SPTLC1: variants seen among roughly 807,000 people sequenced by gnomAD.
SPTLC1 encodes serine palmitoyltransferase 1.
In SPTLC1, 55 loss-of-function variants were observed where a neutral mutation model predicts 68.9. The observed-to-expected ratio is 0.80, with a 90% CI of 0.64 to 1.00. The LOEUF (loss-of-function observed/expected upper bound fraction) is 1.00. Among genes scored for constraint, SPTLC1 ranks in the 50% least tolerant of loss-of-function variants. The pLI is 0.00. For missense variants in SPTLC1, 449 were observed against 573.1 expected, an observed-to-expected ratio of 0.78 and a Z score of 2.21; for synonymous variants, 197 against 201.6, an observed-to-expected ratio of 0.98 and a Z score of 0.19.
At chr9:92,046,132 A>G in intron 11 of SPTLC1, 79 bp from the exon 12 acceptor site, 1 of 1,138,084 alleles carries the variant, frequency 8.8e-7, no homozygotes, top group Admixed American at 1.9e-5. Flanking sequence ...GAAGACCCAG[A>G]TCAAGTTCAT....
At chr9:92,040,714 C>T (rs542590276) in intron 12 of SPTLC1, among the ~76,000 whole-genome samples, 6 of 150,346 alleles carry the variant, frequency 4.0e-5, no homozygotes, top group East Asian at 2.0e-4. Context: ...GCTGAGATCG[C>T]GCCACTGTGC....
At chr9:92,050,881 T>C (rs1833685260) in intron 8 of SPTLC1, 2 of 377,844 alleles carry the variant, frequency 5.3e-6, no homozygotes, top group African/African-American at 4.9e-5. Context: ...GGTAGGATCA[T>C]GGCTCACTGC....
chr9:92,060,191 C>T (rs1834039381), intron 6 of SPTLC1, among the ~76,000 whole-genome samples: 2 of 152,160 alleles, frequency 1.3e-5, no homozygotes, highest in Admixed American at 1.3e-4. Context: ...TAGCCCCTTC[C>T]CCTGTTGGAA....
chr9:92,052,538 T>A (rs1273377792), intron 8 of SPTLC1, among the ~76,000 whole-genome samples: 2 of 151,900 alleles, frequency 1.3e-5, no homozygotes, highest in Admixed American at 6.6e-5. Context: ...ATTATTATTT[T>A]TTTTTTTTTG....
chr9:92,075,630 A>C (rs959780354), intron 5 of SPTLC1, among the ~76,000 whole-genome samples: 1 of 152,214 alleles, frequency 6.6e-6, no homozygotes, highest in Non-Finnish European at 1.5e-5. Context: ...TGCATGCCAC[A>C]GCAGCCACAG....
chr9:92,049,026 A>G (rs1833612981), intron 9 of SPTLC1, among the ~76,000 whole-genome samples: 2 of 152,190 alleles, frequency 1.3e-5, no homozygotes, highest in Non-Finnish European at 2.9e-5. Flanking sequence ...TGTACTGCTA[A>G]ATCTGCTTGA....
chr9:92,080,723 A>C, intron 4 of SPTLC1, 147 bp downstream of exon 4: 1 of 688,648 alleles, frequency 1.5e-6, no homozygotes, highest in Non-Finnish European at 2.6e-6. Flanking sequence ...ATTTTTTGGT[A>C]GAGATGGGGT....
chr9:92,053,653 G>GC (rs1156268914), intron 8 of SPTLC1, among the ~76,000 whole-genome samples: 4 of 152,190 alleles, frequency 2.6e-5, no homozygotes, highest in Non-Finnish European at 5.9e-5. Context: ...AGTGAATGAA[G>GC]CCAGAAAGAA....
intron 6 of SPTLC1, among the ~76,000 whole-genome samples, chr9:92,063,184 G>C (rs1036403694): frequency 6.6e-6 from 1 of 152,068 alleles, no homozygotes; most frequent in Non-Finnish European, 1.5e-5. Flanking sequence ...AGTGAAACAA[G>C]GTATATAACT....
chr9:92,063,917 A>G (rs1039379158), intron 6 of SPTLC1, among the ~76,000 whole-genome samples: 3 of 152,234 alleles, frequency 2.0e-5, no homozygotes, highest in Admixed American at 6.5e-5. Context: ...TATTGGTGAA[A>G]GAGTAAACGC....
intron 3 of SPTLC1, chr9:92,105,183 C>T (rs780920740): frequency 6.8e-5 from 105 of 1,533,856 alleles, no homozygotes; most frequent in African/African-American, 8.2e-5. Context: ...AGAAAACTGT[C>T]GGGGCCACCG....
chr9:92,088,327 C>T (rs143182576), intron 3 of SPTLC1, among the ~76,000 whole-genome samples: 2,854 of 152,368 alleles, frequency 0.019, 81 homozygotes, highest in African/African-American at 0.064. Context: ...AGAAATCACC[C>T]GTCTTCTGCG....
intron 11 of SPTLC1, 43 bp downstream of exon 11, chr9:92,047,129 A>C: frequency 6.6e-7 from 1 of 1,508,366 alleles, no homozygotes; most frequent in Non-Finnish European, 9.2e-7. Flanking sequence ...AACTAACGTA[A>C]CCTGAAATCT....
intron 5 of SPTLC1, chr9:92,079,406 C>A: frequency 6.6e-7 from 1 of 1,511,534 alleles, no homozygotes; most frequent in African/African-American, 1.4e-5. Context: ...TTTTCAGGAG[C>A]AAAGAATATA....
chr9:92,063,175 G>A (rs775950187), intron 6 of SPTLC1, among the ~76,000 whole-genome samples: 4 of 152,124 alleles, frequency 2.6e-5, no homozygotes, highest in African/African-American at 9.7e-5. Context: ...AATACCAGGA[G>A]TGAAACAAGG....
At chr9:92,073,970 T>A (rs1036448489) in intron 5 of SPTLC1, among the ~76,000 whole-genome samples, 1 of 152,206 alleles carries the variant, frequency 6.6e-6, no homozygotes, top group Non-Finnish European at 1.5e-5. Context: ...TGCCCCTGTG[T>A]GGGCCCTCAC....
chr9:92,042,591 C>T (rs987608432), intron 12 of SPTLC1, among the ~76,000 whole-genome samples: 1 of 152,130 alleles, frequency 6.6e-6, no homozygotes, highest in East Asian at 1.9e-4. Context: ...ATAGGAATTC[C>T]ATTAAAGGAC....
intron 12 of SPTLC1, among the ~76,000 whole-genome samples, chr9:92,043,672 C>T (rs1037398070): frequency 2.0e-5 from 3 of 152,326 alleles, no homozygotes; most frequent in East Asian, 1.9e-4. Context: ...CCAGACACTT[C>T]GCAGGTCATG....
chr9:92,078,927 T>C (rs940221163), intron 5 of SPTLC1: 4 of 449,234 alleles, frequency 8.9e-6, no homozygotes, highest in Non-Finnish European at 1.2e-5. Flanking sequence ...AGTAAAAAAC[T>C]TAACTGTTAA....
Sources: gnomAD v4.1 joint callset for allele counts (sites outside exome capture counted in the v4.1 genomes callset) on GRCh38, gnomAD v4.1.1 for gene constraint, MANE v1.5 for transcripts, NCBI Gene and HGNC (gene_info 2026-07-23, HGNC 2026-07-21) for gene names.